The following HAVCR2 variants were observed in gnomAD, a reference collection of about 807,000 sequenced individuals.
HAVCR2 encodes T cell immunoglobulin mucin 3.
Under a neutral mutation model 24.7 loss-of-function variants are expected in HAVCR2, and 13 were observed. The observed-to-expected ratio is 0.53, with a 90% CI of 0.34 to 0.84. HAVCR2 has a LOEUF of 0.84. HAVCR2 is among the 40% of genes least tolerant of loss of function. The pLI is 0.01. For synonymous variants in HAVCR2, 154 were observed against 143.4 expected (o/e 1.07, Z -0.53); for missense variants, 343 against 371.2 (o/e 0.92, Z 0.62).
At chr5:157,102,759 AC>A (rs1214839121) in intron 3 of HAVCR2, among the ~76,000 whole-genome samples, 2 of 151,622 alleles carry the variant, frequency 1.3e-5, no homozygotes, top group Non-Finnish European at 2.9e-5. Context: ...CCATGGTGAA[AC>A]CCCGTCTCTA....
chr5:157,105,039 G>C (rs946380777), intron 2 of HAVCR2: 6 of 181,694 alleles, frequency 3.3e-5, no homozygotes, highest in Non-Finnish European at 6.8e-5. Flanking sequence ...TGAAATGCTT[G>C]AGATCAGAAA....
chr5:157,107,056 G>C, intron 1 of HAVCR2, 94 bp from the exon 2 acceptor site: 1 of 989,532 alleles, frequency 1.0e-6, no homozygotes, highest in South Asian at 1.6e-5. Context: ...AGAATAAAGA[G>C]GAAGCTACTG....
intron 3 of HAVCR2, among the ~76,000 whole-genome samples, chr5:157,103,454 G>T (rs1359654735): frequency 6.6e-6 from 1 of 151,668 alleles, no homozygotes; most frequent in Non-Finnish European, 1.5e-5. Flanking sequence ...TAGCACTATG[G>T]TTGTAAGATT....
At chr5:157,087,688 G>A (rs573984458) in intron 6 of HAVCR2, among the ~76,000 whole-genome samples, 12 of 151,916 alleles carry the variant, frequency 7.9e-5, no homozygotes, top group South Asian at 2.1e-4. Flanking sequence ...GGCAGATCAC[G>A]AGGTCAGGAG....
chr5:157,094,658 C>T (rs1347935605), intron 5 of HAVCR2, among the ~76,000 whole-genome samples: 3 of 151,776 alleles, frequency 2.0e-5, no homozygotes, highest in Non-Finnish European at 2.9e-5. Context: ...GCTGGGATTA[C>T]AGGCGTGAGC....
At chr5:157,101,537 T>C (rs1408620935) in intron 3 of HAVCR2, among the ~76,000 whole-genome samples, 2 of 152,200 alleles carry the variant, frequency 1.3e-5, no homozygotes, top group Non-Finnish European at 2.9e-5. Flanking sequence ...CCACAATAAG[T>C]AGGTACTACT....
rs764310466 is a variant in HAVCR2 at position 157,095,420 on chromosome 5, A to G, written c.562T>C (p.Leu188=). 1.7e-5 allele frequency: 28 copies of G among 1,613,882 alleles called. No individual in the cohort carries two copies. The highest frequency in any genetic ancestry group is 5.3e-5 in the African/African-American group (4 of 74,914). Residue 188 remains leucine, a synonymous_variant, in exon 5 of 7, where the codon TTG becomes CTG. Coordinates refer to ENST00000307851, the MANE Select transcript of HAVCR2 (RefSeq NM_032782.5). ...TLANELRDSR[L]ANDLRDSGAT... is the part of the protein sequence containing the mutation. ...CCAGAGTCCCGTAAGTCATTGGCCA[A>G]TCTAGAGTCCCGTAACTCATTGGCC...
At chr5:157,094,816 C>T (rs1334466135) in intron 5 of HAVCR2, among the ~76,000 whole-genome samples, 1 of 152,118 alleles carries the variant, frequency 6.6e-6, no homozygotes, top group Non-Finnish European at 1.5e-5. Flanking sequence ...GTTAAAGGGA[C>T]TTGCAGTCTA....
Position 157,087,069 on chromosome 5 carries a change from A to G in HAVCR2, c.*33T>C. On this transcript the variant is annotated 3_prime_UTR_variant, in exon 7 of 7. Coordinates refer to ENST00000307851, the MANE Select transcript of HAVCR2 (RefSeq NM_032782.5). ...ACAGCTCATAGTTTCTGAAAAAGAC[A>G]AAACACCAAGCTCAAAAATAAGGTG... is the stretch of plus-strand genomic sequence containing the variant. 6.2e-7 allele frequency: 1 copy of G among 1,604,172 alleles called. No homozygotes were observed. Among genetic ancestry groups the G allele is most frequent in the Non-Finnish European group, 8.5e-7 (1 of 1,174,756 alleles).
At chr5:157,098,473 G>A (rs1757125455) in intron 4 of HAVCR2, among the ~76,000 whole-genome samples, 1 of 151,790 alleles carries the variant, frequency 6.6e-6, no homozygotes. Context: ...TATTTAAAGA[G>A]ATAAATTTAA....
In HAVCR2 at chr5:157,092,571, C is replaced by T. The variant is rs549036625; in HGVS notation, c.676+2735G>A. Among the ~76,000 whole-genome samples, 480 of 151,904 alleles carry T rather than the reference C, an allele frequency of 3.2e-3. 4 individuals carry two copies. Among genetic ancestry groups the T allele is most frequent in the Non-Finnish European group, 2.2e-3 (150 of 67,978 alleles). ...AAGTGATTCTCCCACCTCAGCTTCC[C>T]GAGTAGCTGGAATTATAGGCATGTG... On this transcript the variant is annotated intron_variant, in intron 5 of 6. Transcript: ENST00000307851.
rs537629300 is a variant in HAVCR2 at position 157,095,954 on chromosome 5, G to A, written c.523-495C>T. ...AAATCCCAGCTCTGAGGCCGGGCGCGGTGGCTAATGCCTGTAATCCCAGCA... is the reference window on the plus strand; with the variant it reads ...AAATCCCAGCTCTGAGGCCGGGCGCAGTGGCTAATGCCTGTAATCCCAGCA... On this transcript the variant is annotated intron_variant, in intron 4 of 6. Transcript: ENST00000307851. 8.5e-5 allele frequency among the ~76,000 whole-genome samples: 13 copies of A among 152,184 alleles called. 1 individual carries two copies. In the Middle Eastern group the frequency reaches 0.01, roughly 119 times the overall value.
intron 3 of HAVCR2, among the ~76,000 whole-genome samples, chr5:157,103,392 T>C (rs1757199185): frequency 6.7e-6 from 1 of 150,348 alleles, no homozygotes; most frequent in Non-Finnish European, 1.5e-5. Flanking sequence ...AAAAAAAAAG[T>C]ACTGAAGCAC....
Position 157,106,979 on chromosome 5 carries a change from G to A in HAVCR2, c.59-17C>T, listed in dbSNP as rs776075605. The stretch of plus-strand genomic sequence containing the variant: ...CTGAGGACCCTGCATAGAGAGAGAA[G>A]GAGAGCCAAGACTCAAGCGGTGAGT... On this transcript the variant is annotated splice_polypyrimidine_tract_variant and intron_variant, in intron 1 of 6. Coordinates refer to ENST00000307851, the MANE Select transcript of HAVCR2 (RefSeq NM_032782.5). The A allele has an allele frequency of 6.3e-7, 1 of 1,589,850 alleles. No individual in the cohort carries two copies. Among genetic ancestry groups the A allele is most frequent in the South Asian group, 1.1e-5 (1 of 88,750 alleles).
At chr5:157,092,917 A>C (rs1352233801) in intron 5 of HAVCR2, among the ~76,000 whole-genome samples, 15 of 124,060 alleles carry the variant, frequency 1.2e-4, no homozygotes, top group Non-Finnish European at 2.0e-4. Flanking sequence ...AAAAAAAAAA[A>C]ACTAGCCAGG....
At chr5:157,091,077 T>C (rs10073323) in intron 5 of HAVCR2, among the ~76,000 whole-genome samples, 15,848 of 152,186 alleles carry the variant, frequency 0.1, 1,049 homozygotes, top group Admixed American at 0.17. Context: ...AAGAGAAGAA[T>C]GTCATTTCAG....
chr5:157,104,031 C>T (rs1054257491), intron 3 of HAVCR2, among the ~76,000 whole-genome samples: 1 of 96,058 alleles, frequency 1.0e-5, no homozygotes, highest in Non-Finnish European at 2.1e-5. Flanking sequence ...ACCTATTAAC[C>T]TCATTTTACA....
At chr5:157,102,028 C>T (rs1160134914) in intron 3 of HAVCR2, among the ~76,000 whole-genome samples, 1 of 146,520 alleles carries the variant, frequency 6.8e-6, no homozygotes, top group Non-Finnish European at 1.5e-5. Flanking sequence ...TTCACTCCTC[C>T]CAGGCTCAGA....
chr5:157,092,731 C>G (rs1472039461), intron 5 of HAVCR2, among the ~76,000 whole-genome samples: 1 of 151,686 alleles, frequency 6.6e-6, no homozygotes, highest in African/African-American at 2.4e-5. Context: ...CAGGCGTAAG[C>G]CACCGTGCTC....
Sources: gnomAD v4.1 joint callset for allele counts (sites outside exome capture counted in the v4.1 genomes callset) on GRCh38, gnomAD v4.1.1 for gene constraint, MANE v1.5 for transcripts, NCBI Gene and HGNC (gene_info 2026-07-23, HGNC 2026-07-21) for gene names.